BTC: variants seen among roughly 807,000 people sequenced by gnomAD.
BTC encodes the protein probetacellulin.
BTC carries 13 observed loss-of-function variants against 18.1 expected under a neutral mutation model. The observed-to-expected ratio is 0.72, with a 90% CI of 0.47 to 1.14. BTC has a LOEUF of 1.14. Ranked by LOEUF, BTC falls within the 50% of genes most tolerant of loss-of-function variation. The probability of loss-of-function intolerance (pLI) is 0.00; values close to 1 mark genes in which losing one functional copy is unlikely to be tolerated. For missense variants in BTC, 247 were observed against 224.2 expected, an observed-to-expected ratio of 1.10 and a Z score of -0.65; for synonymous variants, 83 against 79.4, an observed-to-expected ratio of 1.05 and a Z score of -0.24.
At chr4:74,792,712 C>T (rs898127129) in intron 1 of BTC, among the ~76,000 whole-genome samples, 1 of 152,234 alleles carries the variant, frequency 6.6e-6, no homozygotes, top group African/African-American at 2.4e-5. Flanking sequence ...TTACTAAATG[C>T]TTTTTCCCTT....
chr4:74,765,719 C>T (rs1414365624), intron 2 of BTC, among the ~76,000 whole-genome samples: 1 of 152,080 alleles, frequency 6.6e-6, no homozygotes, highest in African/African-American at 2.4e-5. Flanking sequence ...GATAAACAGA[C>T]AATTTTGAAA....
At chr4:74,748,776 A>C (rs1724366632) in intron 4 of BTC, among the ~76,000 whole-genome samples, 1 of 152,256 alleles carries the variant, frequency 6.6e-6, no homozygotes, top group Non-Finnish European at 1.5e-5. Flanking sequence ...GGAAACAGGC[A>C]TAAGAAAAAC....
At chr4:74,792,680 G>A (rs1373714160) in intron 1 of BTC, among the ~76,000 whole-genome samples, 1 of 152,144 alleles carries the variant, frequency 6.6e-6, no homozygotes, top group African/African-American at 2.4e-5. Flanking sequence ...AGTAAAGCAT[G>A]CTCATTCGCA....
chr4:74,767,212 A>T (rs1472265052), intron 2 of BTC, among the ~76,000 whole-genome samples: 1 of 151,714 alleles, frequency 6.6e-6, no homozygotes, highest in Non-Finnish European at 1.5e-5. Context: ...CACAAACTGT[A>T]AGAACTAATT....
At chr4:74,765,364 C>G (rs1158717806) in intron 2 of BTC, among the ~76,000 whole-genome samples, 8 of 151,918 alleles carry the variant, frequency 5.3e-5, no homozygotes, top group Non-Finnish European at 8.8e-5. Flanking sequence ...ATGGCTTCAA[C>G]AGCAGACTAT....
rs1290292144 is a variant in BTC, at chr4:74,770,223, G to T, written c.65-67C>A. 3.2e-6 allele frequency: 4 copies of T among 1,248,786 alleles called. No individual in the cohort carries two copies. The East Asian group carries it at 7.1e-5, about 22-fold the overall frequency. 77.4% of individuals were successfully genotyped at this position (1,248,786 alleles called of 1,614,324 possible). ...GCTTATTGTGAAACAGTCTATCAAA[G>T]TCATCACCCATTTCACCCATTTATG... On this transcript the variant is annotated intron_variant, in intron 1 of 5. Coordinates refer to ENST00000395743, the MANE Select transcript of BTC (RefSeq NM_001729.4).
At chr4:74,771,702 A>G (rs1725046527) in intron 1 of BTC, among the ~76,000 whole-genome samples, 2 of 152,240 alleles carry the variant, frequency 1.3e-5, no homozygotes, top group African/African-American at 4.8e-5. Flanking sequence ...TGGAAACTCA[A>G]ATCCACTGGT....
At chr4:74,790,479 G>A (rs765429074) in intron 1 of BTC, among the ~76,000 whole-genome samples, 8 of 152,160 alleles carry the variant, frequency 5.3e-5, no homozygotes, top group African/African-American at 7.2e-5. Context: ...CTGGTTCAGA[G>A]TTTACAGGCT....
At chr4:74,792,207 C>A (rs1181293297) in intron 1 of BTC, among the ~76,000 whole-genome samples, 1 of 152,138 alleles carries the variant, frequency 6.6e-6, no homozygotes, top group Non-Finnish European at 1.5e-5. Context: ...ATCTAGAGAC[C>A]AAATTCAATT....
intron 1 of BTC, among the ~76,000 whole-genome samples, chr4:74,783,482 A>G (rs747844482): frequency 2.6e-5 from 4 of 151,430 alleles, no homozygotes; most frequent in Non-Finnish European, 4.4e-5. Context: ...TGCCAGTACC[A>G]TACTGTTTTG....
intron 1 of BTC, among the ~76,000 whole-genome samples, chr4:74,785,453 T>G (rs371129728): frequency 6.9e-4 from 105 of 152,294 alleles, no homozygotes; most frequent in African/African-American, 2.3e-3. Context: ...TATTTTTTTG[T>G]CTTCTGCTAG....
intron 1 of BTC, among the ~76,000 whole-genome samples, chr4:74,781,384 CGTGTGTGTGTGTGT>C (rs139134613): frequency 1.6e-5 from 2 of 126,478 alleles, no homozygotes; most frequent in East Asian, 2.1e-4. Context: ...TCTCTCGTCA[CGTGTGTGTGTGTGT>C]GTGTGTGTGT....
chr4:74,782,339 AG>A (rs1440772517), intron 1 of BTC, among the ~76,000 whole-genome samples: 2 of 152,166 alleles, frequency 1.3e-5, no homozygotes, highest in African/African-American at 4.8e-5. Flanking sequence ...CCCGCTTATA[AG>A]TGAGAACAAT....
At chr4:74,793,488 A>G (rs1725686807) in intron 1 of BTC, among the ~76,000 whole-genome samples, 1 of 152,206 alleles carries the variant, frequency 6.6e-6, no homozygotes, top group African/African-American at 2.4e-5. Context: ...TCTACAGCCC[A>G]GCTAAGATTA....
chr4:74,781,681 A>T (rs1391143869), intron 1 of BTC, among the ~76,000 whole-genome samples: 3 of 145,266 alleles, frequency 2.1e-5, no homozygotes, highest in African/African-American at 8.2e-5. Flanking sequence ...CAAATAATCT[A>T]CCTCTGTCTT....
At chr4:74,791,859 A>G (rs1442409347) in intron 1 of BTC, among the ~76,000 whole-genome samples, 1 of 152,144 alleles carries the variant, frequency 6.6e-6, no homozygotes, top group Non-Finnish European at 1.5e-5. Flanking sequence ...AATTAGAAAA[A>G]CAATGCCCAG....
At chr4:74,779,261 A>G (rs1370725226) in intron 1 of BTC, among the ~76,000 whole-genome samples, 2 of 152,170 alleles carry the variant, frequency 1.3e-5, no homozygotes, top group Admixed American at 6.5e-5. Flanking sequence ...AGGGAAAGTA[A>G]TTTAACAACC....
At chr4:74,781,182 T>G (rs905022937) in intron 1 of BTC, among the ~76,000 whole-genome samples, 1 of 151,792 alleles carries the variant, frequency 6.6e-6, no homozygotes, top group Non-Finnish European at 1.5e-5. Flanking sequence ...CTGGCTCCAC[T>G]TTTTTCCAAG....
intron 3 of BTC, among the ~76,000 whole-genome samples, chr4:74,753,663 G>A (rs530720562): frequency 2.0e-5 from 3 of 152,148 alleles, no homozygotes; most frequent in African/African-American, 7.2e-5. Flanking sequence ...AATGGCAAGA[G>A]AGTTTTGCCT....
Sources: gnomAD v4.1 joint callset for allele counts (sites outside exome capture counted in the v4.1 genomes callset) on GRCh38, gnomAD v4.1.1 for gene constraint, MANE v1.5 for transcripts, NCBI Gene and HGNC (gene_info 2026-07-23, HGNC 2026-07-21) for gene names.